TENM3: variants seen among roughly 807,000 people sequenced by gnomAD.
The protein encoded by TENM3 is teneurin-3.
Under a neutral mutation model 255.1 loss-of-function variants are expected in TENM3, and 63 were observed. The ratio of observed to expected loss-of-function variants is 0.25; its 90% CI spans 0.20 to 0.30. The LOEUF is 0.30. Among genes scored for constraint, TENM3 ranks in the 10% least tolerant of loss-of-function variants. The pLI is 1.00. For synonymous variants in TENM3, 1,306 were observed against 1,322.3 expected (o/e 0.99, Z 0.27); for missense variants, 2,929 against 3,461.1 (o/e 0.85, Z 3.86).
the TENM3 span, among the ~76,000 whole-genome samples, chr4:181,624,719 A>G: frequency 1.3e-5 from 2 of 152,288 alleles, no homozygotes; most frequent in Admixed American, 6.5e-5. Flanking sequence ...CCACCTCAAA[A>G]CTTAGTAATT....
intron 3 of TENM3, among the ~76,000 whole-genome samples, chr4:182,412,766 T>C (rs1448947435): frequency 6.6e-6 from 1 of 151,052 alleles, no homozygotes; most frequent in Non-Finnish European, 1.5e-5. Flanking sequence ...TCGGGAAGCT[T>C]AGGCAGGAGA....
chr4:182,615,200 T>C (rs1246655349), intron 4 of TENM3, among the ~76,000 whole-genome samples: 2 of 151,734 alleles, frequency 1.3e-5, no homozygotes, highest in Non-Finnish European at 2.9e-5. Flanking sequence ...TCTCTGGTAG[T>C]AGGTAAAGAG....
the TENM3 span, among the ~76,000 whole-genome samples, chr4:181,527,174 T>G: frequency 2.0e-5 from 3 of 152,344 alleles, no homozygotes; most frequent in South Asian, 4.1e-4. Context: ...GTCTTTTGTA[T>G]GTCTGGAAAA....
At chr4:182,763,249 T>C (rs1347644728) in intron 22 of TENM3, among the ~76,000 whole-genome samples, 1 of 152,166 alleles carries the variant, frequency 6.6e-6, no homozygotes, top group Non-Finnish European at 1.5e-5. Context: ...AGAAGAAAGA[T>C]GTCATTCTGT....
At chr4:182,626,041 A>G (rs1402083167) in intron 4 of TENM3, among the ~76,000 whole-genome samples, 4 of 152,218 alleles carry the variant, frequency 2.6e-5, no homozygotes, top group East Asian at 3.9e-4. Context: ...TAAAATTTCA[A>G]TGTCTACAAA....
chr4:181,922,408 C>T, the TENM3 span, among the ~76,000 whole-genome samples: 29 of 152,318 alleles, frequency 1.9e-4, no homozygotes, highest in Non-Finnish European at 2.5e-4. Context: ...GCCACAATTT[C>T]AGAGCCTGTT....
At chr4:181,992,130 T>C in the TENM3 span, among the ~76,000 whole-genome samples, 1 of 152,172 alleles carries the variant, frequency 6.6e-6, no homozygotes, top group East Asian at 1.9e-4. Context: ...CTGACATTTG[T>C]GCTTCTTCAC....
At chr4:182,765,435 C>T (rs1763626726) in intron 22 of TENM3, among the ~76,000 whole-genome samples, 2 of 152,162 alleles carry the variant, frequency 1.3e-5, no homozygotes, top group East Asian at 3.9e-4. Flanking sequence ...TATTTTGCAT[C>T]ACTTTCTGTA....
chr4:181,742,156 A>G, the TENM3 span, among the ~76,000 whole-genome samples: 1 of 151,876 alleles, frequency 6.6e-6, no homozygotes. Flanking sequence ...ATTTATTTAA[A>G]ACATTTTTTA....
intron 1 of TENM3, among the ~76,000 whole-genome samples, chr4:182,175,313 AAAT>A (rs1478293752): frequency 1.4e-3 from 115 of 82,688 alleles, no homozygotes; most frequent in African/African-American, 4.1e-3. Context: ...AAAAAAAAAA[AAAT>A]ATATATATAT....
In TENM3 at chr4:182,523,431, A is replaced by C. The variant is rs553848007; in HGVS notation, c.512-77493A>C. Among the ~76,000 whole-genome samples the C allele has an allele frequency of 3.3e-5, 5 of 152,258 alleles. No homozygotes were observed. The South Asian group carries it at 1.0e-3, about 32-fold the overall frequency. ...AGCCAATTATAACCTTTTTTGGAACATGTAAGGTTCCTTTGTGCATAATGT... is the reference window on the plus strand; with the variant it reads ...AGCCAATTATAACCTTTTTTGGAACCTGTAAGGTTCCTTTGTGCATAATGT... On this transcript the variant is annotated intron_variant, in intron 3 of 27. Coordinates refer to ENST00000511685, the MANE Select transcript of TENM3 (RefSeq NM_001080477.4).
At chr4:181,718,780 G>A in the TENM3 span, among the ~76,000 whole-genome samples, 2 of 152,156 alleles carry the variant, frequency 1.3e-5, no homozygotes, top group African/African-American at 2.4e-5. Context: ...CTGAAGGCAA[G>A]GATTAGTTTT....
At chr4:181,891,985 T>G in the TENM3 span, among the ~76,000 whole-genome samples, 1 of 152,164 alleles carries the variant, frequency 6.6e-6, no homozygotes, top group African/African-American at 2.4e-5. Flanking sequence ...CTTCTTACCC[T>G]TTGACGTTCT....
chr4:182,381,190 C>T (rs1465273686), intron 3 of TENM3, among the ~76,000 whole-genome samples: 1 of 152,220 alleles, frequency 6.6e-6, no homozygotes, highest in African/African-American at 2.4e-5. Flanking sequence ...GTCTGGGGAT[C>T]CCCCGACAGG....
At chr4:182,218,754 T>G (rs1402261508) in intron 1 of TENM3, among the ~76,000 whole-genome samples, 1 of 152,204 alleles carries the variant, frequency 6.6e-6, no homozygotes, top group East Asian at 1.9e-4. Flanking sequence ...ATATTGAAAG[T>G]GCACACCTAA....
At chr4:181,561,464 A>C in the TENM3 span, among the ~76,000 whole-genome samples, 1 of 152,186 alleles carries the variant, frequency 6.6e-6, no homozygotes, top group East Asian at 1.9e-4. Context: ...GAACATATGA[A>C]AAGCAAAAGC....
At chr4:182,515,114 G>T (rs1371975318) in intron 3 of TENM3, among the ~76,000 whole-genome samples, 2 of 152,170 alleles carry the variant, frequency 1.3e-5, no homozygotes. Context: ...AAGTGAAAAA[G>T]CAATTTCAGT....
the TENM3 span, among the ~76,000 whole-genome samples, chr4:181,860,377 T>A: frequency 0.45 from 67,736 of 151,992 alleles, 16,092 homozygotes; most frequent in Middle Eastern, 0.53. Context: ...TGGAAAGAAA[T>A]GATAAGCCGA....
At chr4:182,016,784 T>C in the TENM3 span, among the ~76,000 whole-genome samples, 2 of 152,026 alleles carry the variant, frequency 1.3e-5, no homozygotes, top group African/African-American at 4.8e-5. Context: ...TTTTAAAAAA[T>C]TACCTCGAAG....
Sources: allele counts gnomAD v4.1 joint callset (sites outside exome capture counted in the v4.1 genomes callset), GRCh38; gene constraint gnomAD v4.1.1; transcripts MANE v1.5; gene names NCBI Gene and HGNC (gene_info 2026-07-23, HGNC 2026-07-21).